Variants in ANKRD31 observed in about 807,000 individuals in gnomAD.
ANKRD31 encodes ankyrin repeat domain-containing protein 31.
In ANKRD31, 147 loss-of-function variants were observed where a neutral mutation model predicts 186.0. The observed-to-expected ratio is 0.79, with a 90% CI of 0.69 to 0.91. The LOEUF is 0.91. Ranked by LOEUF, ANKRD31 falls within the 40% of genes least tolerant of loss-of-function variation. The pLI is 0.00. For synonymous variants in ANKRD31, 673 were observed against 736.4 expected, an observed-to-expected ratio of 0.91 and a Z score of 1.39; for missense variants, 1,986 against 2,148.8, an observed-to-expected ratio of 0.92 and a Z score of 1.50.
chr5:75,087,368 A>G (rs1363334757), intron 23 of ANKRD31, among the ~76,000 whole-genome samples: 1 of 152,076 alleles, frequency 6.6e-6, no homozygotes, highest in Admixed American at 6.6e-5. Context: ...TTAGCCAGGC[A>G]TGGTGGTGCA....
At chr5:75,084,920 C>T (rs1745365807) in intron 23 of ANKRD31, among the ~76,000 whole-genome samples, 1 of 151,936 alleles carries the variant, frequency 6.6e-6, no homozygotes, top group African/African-American at 2.4e-5. Context: ...ATTATCAGTG[C>T]AAATGGTCAG....
At chr5:75,163,955 C>T (rs1000407752) in intron 11 of ANKRD31, among the ~76,000 whole-genome samples, 3 of 152,192 alleles carry the variant, frequency 2.0e-5, no homozygotes, top group African/African-American at 7.2e-5. Flanking sequence ...CCTAATTTCC[C>T]TCCTCAAGAG....
At chr5:75,222,501 ACG>A in intron 2 of ANKRD31, 143 bp from the exon 3 acceptor site, 1 of 684,902 alleles carries the variant, frequency 1.5e-6, no homozygotes. Context: ...CTAAAAAAAA[ACG>A]AGATATATGT....
At chr5:75,208,990 C>T (rs565782698) in intron 4 of ANKRD31, among the ~76,000 whole-genome samples, 4 of 152,276 alleles carry the variant, frequency 2.6e-5, no homozygotes, top group Admixed American at 2.6e-4. Context: ...TCATTTTCAG[C>T]AAACCTTCAT....
At chr5:75,193,057 T>TA (rs1290279683) in intron 8 of ANKRD31, among the ~76,000 whole-genome samples, 7 of 152,052 alleles carry the variant, frequency 4.6e-5, no homozygotes, top group Admixed American at 4.6e-4. Context: ...CTCCTGCTCT[T>TA]TACTCCCCAA....
intron 12 of ANKRD31, among the ~76,000 whole-genome samples, chr5:75,153,446 G>C (rs1580442450): frequency 6.6e-6 from 1 of 152,206 alleles, no homozygotes; most frequent in East Asian, 1.9e-4. Flanking sequence ...AGGCCTCGTT[G>C]AGAAGGTGAC....
At chr5:75,100,011 T>A (rs1056505646) in intron 22 of ANKRD31, among the ~76,000 whole-genome samples, 13 of 152,196 alleles carry the variant, frequency 8.5e-5, no homozygotes, top group African/African-American at 3.1e-4. Context: ...TTAATTGTGA[T>A]GTTAGGGTGT....
chr5:75,115,270 A>C (rs2150076729), intron 19 of ANKRD31, among the ~76,000 whole-genome samples: 1 of 151,540 alleles, frequency 6.6e-6, no homozygotes, highest in East Asian at 1.9e-4. Flanking sequence ...AGATGGATTA[A>C]AGACTTAAAT....
chr5:75,225,115 C>T (rs1165252752), intron 2 of ANKRD31, among the ~76,000 whole-genome samples: 5 of 152,068 alleles, frequency 3.3e-5, no homozygotes, highest in Non-Finnish European at 7.4e-5. Context: ...GAGAAGGAGA[C>T]ATCTTTTTTG....
At chr5:75,099,238 G>C (rs568603385) in intron 22 of ANKRD31, among the ~76,000 whole-genome samples, 1 of 152,256 alleles carries the variant, frequency 6.6e-6, no homozygotes, top group Admixed American at 6.5e-5. Flanking sequence ...TACATTTATT[G>C]ATTTGCGTAT....
intron 23 of ANKRD31, among the ~76,000 whole-genome samples, chr5:75,089,929 G>A (rs1033602108): frequency 6.6e-6 from 1 of 152,170 alleles, no homozygotes; most frequent in African/African-American, 2.4e-5. Context: ...GCTATTCAAA[G>A]GCAGGAAATA....
At chr5:75,186,809 T>C (rs1754743489) in intron 10 of ANKRD31, among the ~76,000 whole-genome samples, 1 of 152,204 alleles carries the variant, frequency 6.6e-6, no homozygotes, top group African/African-American at 2.4e-5. Flanking sequence ...GGTCCACTAT[T>C]ACATTTTGTT....
chr5:75,069,112 A>G (rs560608678), intron 25 of ANKRD31, among the ~76,000 whole-genome samples: 8 of 152,326 alleles, frequency 5.3e-5, no homozygotes, highest in Non-Finnish European at 1.0e-4. Context: ...TGCCTCTGCC[A>G]CAAACTTGGT....
At chr5:75,130,504 G>C (rs964176587) in intron 17 of ANKRD31, among the ~76,000 whole-genome samples, 2 of 152,102 alleles carry the variant, frequency 1.3e-5, no homozygotes, top group African/African-American at 4.8e-5. Flanking sequence ...ATTTTACAGA[G>C]AGCTGACTGG....
At chr5:75,208,236 T>C (rs1036524470) in intron 4 of ANKRD31, among the ~76,000 whole-genome samples, 3 of 152,198 alleles carry the variant, frequency 2.0e-5, no homozygotes, top group Non-Finnish European at 2.9e-5. Context: ...CACACAGATA[T>C]GGGGTTGGAA....
At chr5:75,120,897 A>G (rs1452639459) in intron 17 of ANKRD31, among the ~76,000 whole-genome samples, 1 of 152,150 alleles carries the variant, frequency 6.6e-6, no homozygotes, top group East Asian at 1.9e-4. Flanking sequence ...ACACATAGAC[A>G]AAAGATAAAG....
intron 25 of ANKRD31, among the ~76,000 whole-genome samples, chr5:75,070,047 C>G (rs61010914): frequency 0.24 from 36,020 of 151,982 alleles, 6,039 homozygotes; most frequent in African/African-American, 0.48. Flanking sequence ...GTAAATGAGT[C>G]AATAAAATTC....
intron 6 of ANKRD31, among the ~76,000 whole-genome samples, chr5:75,198,717 T>C (rs1306607359): frequency 2.0e-5 from 3 of 152,194 alleles, no homozygotes; most frequent in Non-Finnish European, 4.4e-5. Flanking sequence ...GAACAGGTAC[T>C]TGAGCCAGAA....
chr5:75,191,966 C>T lies in ANKRD31; in HGVS notation c.1408+701G>A, dbSNP rs535663236. Reference sequence around the variant, plus strand: ...TAAAAATAGAACAAAAGACTCACCCCTTGTTAATATTTTGCCATTGACTTT... The same window carrying T: ...TAAAAATAGAACAAAAGACTCACCCTTTGTTAATATTTTGCCATTGACTTT... On this transcript the variant is annotated intron_variant, in intron 9 of 25. Coordinates refer to ENST00000506364, the MANE Select transcript of ANKRD31 (RefSeq NM_001372053.1). Among the ~76,000 whole-genome samples, 175 of 152,140 alleles carry T rather than the reference C, an allele frequency of 1.2e-3. 2 individuals carry two copies. The South Asian group carries it at 0.019, about 16-fold the overall frequency.
Sources: allele counts gnomAD v4.1 joint callset (sites outside exome capture counted in the v4.1 genomes callset), GRCh38; gene constraint gnomAD v4.1.1; transcripts MANE v1.5; gene names NCBI Gene and HGNC (gene_info 2026-07-23, HGNC 2026-07-21).